NOTCH3: variants seen among roughly 807,000 people sequenced by gnomAD.
NOTCH3 encodes the protein neurogenic locus notch homolog protein 3.
NOTCH3 carries 86 observed loss-of-function variants against 213.3 expected under a neutral mutation model. The ratio of observed to expected loss-of-function variants is 0.40; its 90% CI spans 0.34 to 0.48. The LOEUF is 0.48. NOTCH3 is among the 20% of genes least tolerant of loss of function. The pLI is 0.57. For synonymous variants in NOTCH3, 1,354 were observed against 1,355.9 expected (o/e 1.00, Z 0.03); for missense variants, 2,783 against 3,272.6 (o/e 0.85, Z 3.65).
chr19:15,197,448 C>CCCCCCCCCCCCCCCCCCCA, intron 2 of NOTCH3, 52 bp downstream of exon 2: 1 of 797,782 alleles, frequency 1.3e-6, no homozygotes. Flanking sequence ...ATCGCCCCTC[C>CCCCCCCCCCCCCCCCCCCA]CCCCCGCCCC....
At chr19:15,198,431 CAGG>C (rs1335618159) in intron 1 of NOTCH3, among the ~76,000 whole-genome samples, 1 of 152,100 alleles carries the variant, frequency 6.6e-6, no homozygotes, top group Admixed American at 6.6e-5. Flanking sequence ...GCAGATAGAC[CAGG>C]AGAAGACAGA....
intron 28 of NOTCH3, among the ~76,000 whole-genome samples, chr19:15,169,186 GTCTCTCTCTCTCTCTCTCTC>G (rs56916343): frequency 0.78 from 115,007 of 146,724 alleles, 46,163 homozygotes; most frequent in Non-Finnish European, 0.89. Flanking sequence ...TGTCAAATCT[GTCTCTCTCTCTCTCTCTCTC>G]TCTCTCTCTC....
At chr19:15,189,707 C>T (rs1159965914) in intron 6 of NOTCH3, among the ~76,000 whole-genome samples, 3 of 151,638 alleles carry the variant, frequency 2.0e-5, no homozygotes, top group East Asian at 3.9e-4. Flanking sequence ...TTAGTAGAAA[C>T]GGGGTTTCAC....
chr19:15,178,768 C>T (rs2046812976), intron 23 of NOTCH3, 55 bp downstream of exon 23: 1 of 1,258,678 alleles, frequency 7.9e-7, no homozygotes, highest in African/African-American at 1.5e-5. Context: ...CACGCCCCTA[C>T]TACTCCAGAG....
chr19:15,175,619 G>GCA (rs373596580), intron 24 of NOTCH3, among the ~76,000 whole-genome samples: 4 of 122,832 alleles, frequency 3.3e-5, no homozygotes, highest in African/African-American at 1.3e-4. Context: ...ACACACGCAC[G>GCA]CACACACATA....
Position 15,165,598 on chromosome 19 carries a change from C to T in NOTCH3, c.5668-83G>A. On this transcript the variant is annotated intron_variant, in intron 30 of 32. Transcript: ENST00000263388. This position sits in a 1 kb window ranked among gnomAD's most constrained non-coding sequence, Gnocchi z 4.7. ...GCACCCCTAAGTCCCATGAAGTCCC[C>T]AACCCCCATACCCCAACCCCTGAAA... 6.8e-7 allele frequency: 1 copy of T among 1,471,428 alleles called. No individual in the cohort carries two copies. The highest frequency in any genetic ancestry group is 2.4e-5 in the East Asian group (1 of 41,798). The allele number at this position is 1,471,428 out of a possible 1,614,324, so 91.1% of individuals were successfully genotyped here.
chr19:15,168,496 T>C (rs187036694), intron 28 of NOTCH3, among the ~76,000 whole-genome samples: 1 of 152,264 alleles, frequency 6.6e-6, no homozygotes, highest in East Asian at 1.9e-4. Context: ...GGTGCCTCAG[T>C]AATGCTAGCA....
At position 15,179,588 on chromosome 19, in the gene NOTCH3, A is replaced by T. The variant is rs2046822490; in HGVS notation, c.3328-92T>A. 2.1e-6 allele frequency: 3 copies of T among 1,399,676 alleles called. No individual in the cohort carries two copies. The Admixed American group carries it at 5.5e-5, about 26-fold the overall frequency. The allele number at this position is 1,399,676 out of a possible 1,614,324, so 86.7% of individuals were successfully genotyped here. A position where few individuals can be genotyped will look rare whatever the true frequency, so the allele number is the denominator to read the frequency against. On this transcript the variant is annotated intron_variant, in intron 20 of 32. Coordinates refer to ENST00000263388, the MANE Select transcript of NOTCH3 (RefSeq NM_000435.3). ...GAAGACGCAAAGAACCCCAGCACAA[A>T]AGGACACACACAGATGTTCAGCGCA...
chr19:15,183,788 C>T (rs531198799), intron 16 of NOTCH3, among the ~76,000 whole-genome samples: 3 of 152,092 alleles, frequency 2.0e-5, no homozygotes, highest in South Asian at 2.1e-4. Context: ...TGGTTGCTCA[C>T]GCCTGTAATC....
intron 31 of NOTCH3, among the ~76,000 whole-genome samples, chr19:15,164,360 C>T (rs888243150): frequency 4.0e-5 from 6 of 151,792 alleles, no homozygotes; most frequent in Admixed American, 1.3e-4. Flanking sequence ...GCCAACATTG[C>T]GAAACCCCGT....
rs1253872322 is a variant in NOTCH3, at chr19:15,177,698, G to A, written c.4230C>T (p.Cys1410=). The part of the protein sequence containing the change: ...RCDRECNSPG[C]GWDGGDCSLS... ...GCGAGCAGTCGCCGCCGTCCCAGCCGCAGCCTGGGCTGTTGCACTCGCGGT... is the reference window on the plus strand; with the variant it reads ...GCGAGCAGTCGCCGCCGTCCCAGCCACAGCCTGGGCTGTTGCACTCGCGGT... The change falls in exon 24 of 33, where the codon TGC becomes TGT. Residue 1410 remains cysteine (C), a synonymous_variant. Coordinates refer to ENST00000263388, the MANE Select transcript of NOTCH3 (RefSeq NM_000435.3). 4 of 1,539,298 alleles carry A rather than the reference G, an allele frequency of 2.6e-6. No individual in the cohort carries two copies. The highest frequency in any genetic ancestry group is 2.6e-6 in the Non-Finnish European group (3 of 1,149,966).
chr19:15,160,621 G>T lies in NOTCH3; in HGVS notation c.*41C>A, dbSNP rs1187636495. ...AGAGAAAGAAAGGAGGCAGGACGGG[G>T]GTCTCTTTAGGCCCCCAAGATCTAA... On this transcript the variant is annotated 3_prime_UTR_variant, in exon 33 of 33. Transcript: ENST00000263388. The T allele has an allele frequency of 1.4e-6, 2 of 1,432,520 alleles. No homozygotes were observed. The allele number at this position is 1,432,520 out of a possible 1,614,324, so 88.7% of individuals were successfully genotyped here.
chr19:15,177,503 T>C, intron 24 of NOTCH3, 22 bp downstream of exon 24: 1 of 1,598,808 alleles, frequency 6.3e-7, no homozygotes, highest in African/African-American at 1.3e-5. Flanking sequence ...GACAGACGGA[T>C]CGATCGGGTG....
chr19:15,198,043 C>T (rs1174501605), intron 1 of NOTCH3, among the ~76,000 whole-genome samples: 2 of 152,172 alleles, frequency 1.3e-5, no homozygotes, highest in Non-Finnish European at 2.9e-5. Flanking sequence ...TCCAGCCAGG[C>T]AGGCCTGCGT....
At chr19:15,171,411 G>A (rs914141227) in intron 25 of NOTCH3, among the ~76,000 whole-genome samples, 11 of 152,136 alleles carry the variant, frequency 7.2e-5, no homozygotes, top group African/African-American at 9.7e-5. Context: ...GCACAGTGGC[G>A]AAATCAGAGC....
chr19:15,171,906 C>T (rs567375764), intron 25 of NOTCH3, among the ~76,000 whole-genome samples: 24 of 150,720 alleles, frequency 1.6e-4, no homozygotes, highest in African/African-American at 5.4e-4. Context: ...TGTTTGTTTG[C>T]TTGTTTTGAG....
At chr19:15,187,518 C>G (rs1446774676) in intron 10 of NOTCH3, among the ~76,000 whole-genome samples, 180 bp from the exon 11 acceptor site, 2 of 134,862 alleles carry the variant, frequency 1.5e-5, no homozygotes, top group African/African-American at 5.5e-5. Context: ...CCACTACAAG[C>G]TCCAGAATTT....
chr19:15,181,216 G>A, intron 17 of NOTCH3, 54 bp from the exon 18 acceptor site: 1 of 1,502,996 alleles, frequency 6.7e-7, no homozygotes, highest in East Asian at 2.3e-5. Context: ...CACAGGCCCT[G>A]CCCTCCTTCC....
intron 24 of NOTCH3, 27 bp from the exon 25 acceptor site, chr19:15,174,427 G>C (rs1375245327): frequency 6.7e-7 from 1 of 1,487,834 alleles, no homozygotes; most frequent in East Asian, 2.5e-5. Context: ...AGGCAGAGAG[G>C]GGCGGAGTCA....
Sources: gnomAD v4.1 joint callset for allele counts (sites outside exome capture counted in the v4.1 genomes callset) on GRCh38, gnomAD v4.1.1 for gene constraint, Gnocchi (gnomAD v3.1) non-coding constraint, MANE v1.5 for transcripts, NCBI Gene and HGNC (gene_info 2026-07-23, HGNC 2026-07-21) for gene names.